LRRC37A2: variants seen among roughly 807,000 people sequenced by gnomAD.
The protein encoded by LRRC37A2 is leucine rich repeat containing 37 member A2, also known as leucine-rich repeat-containing protein 37A2.
In LRRC37A2, 9 loss-of-function variants were observed where a neutral mutation model predicts 68.8. That is an observed-to-expected ratio of 0.13 (90% CI 0.08 to 0.23). The LOEUF is 0.23. Ranked by LOEUF, LRRC37A2 falls within the 10% of genes least tolerant of loss-of-function variation. The pLI is 1.00. For synonymous variants in LRRC37A2, 63 were observed against 367.6 expected (o/e 0.17, Z 9.48); for missense variants, 168 against 950.4 (o/e 0.18, Z 10.82).
chr17:46,458,067 A>G, the LRRC37A2 span, among the ~76,000 whole-genome samples: 1 of 77,910 alleles, frequency 1.3e-5, no homozygotes, highest in East Asian at 2.4e-4. Context: ...GGTTCTAGCA[A>G]TACAGTAGAC....
chr17:46,846,810 G>A, the LRRC37A2 span, among the ~76,000 whole-genome samples: 1 of 152,236 alleles, frequency 6.6e-6, no homozygotes. Flanking sequence ...AGGAACAGAA[G>A]TGAGAAGGCC....
At chr17:46,924,324 G>A in the LRRC37A2 span, 3 of 153,010 alleles carry the variant, frequency 2.0e-5, no homozygotes, top group South Asian at 6.2e-4. Context: ...ATAATATTCC[G>A]TTTTATGTGT....
the LRRC37A2 span, among the ~76,000 whole-genome samples, chr17:46,905,810 G>T: frequency 8.9e-6 from 1 of 112,152 alleles, no homozygotes; most frequent in South Asian, 2.9e-4. Context: ...GTGTGTGTGT[G>T]TGTGCGTTTG....
At chr17:46,550,712 G>A (rs576109821) in intron 11 of LRRC37A2, among the ~76,000 whole-genome samples, 193 bp downstream of exon 10, 10 of 138,074 alleles carry the variant, frequency 7.2e-5, no homozygotes, top group African/African-American at 1.8e-4. Context: ...AAGGATCCTC[G>A]CTTTCAGATC....
At chr17:46,941,742 T>A in the LRRC37A2 span, 1 of 126,698 alleles carries the variant, frequency 7.9e-6, no homozygotes, top group African/African-American at 3.7e-5. Context: ...TCTGGCTAAT[T>A]TTTTTTTTTT....
At chr17:46,865,513 G>A in the LRRC37A2 span, among the ~76,000 whole-genome samples, 2 of 152,166 alleles carry the variant, frequency 1.3e-5, no homozygotes, top group Admixed American at 1.3e-4. Flanking sequence ...AGCTGGGTAG[G>A]GAAGGAAGGC....
At chr17:47,003,542 A>T in the LRRC37A2 span, among the ~76,000 whole-genome samples, 2 of 152,222 alleles carry the variant, frequency 1.3e-5, no homozygotes, top group African/African-American at 4.8e-5. Flanking sequence ...ACTGGTGTTG[A>T]GCAGAGAAGA....
chr17:46,885,111 C>T, the LRRC37A2 span: 3 of 428,614 alleles, frequency 7.0e-6, no homozygotes, highest in Non-Finnish European at 9.4e-6. Context: ...GTCTCAGCTG[C>T]CTGAGTAACT....
At chr17:46,501,342 A>G in the LRRC37A2 span, among the ~76,000 whole-genome samples, 1 of 150,942 alleles carries the variant, frequency 6.6e-6, no homozygotes, top group Non-Finnish European at 1.5e-5. Context: ...TGCCTGGCTA[A>G]TTTTTGTATT....
chr17:46,908,541 G>T, the LRRC37A2 span, among the ~76,000 whole-genome samples: 1 of 152,092 alleles, frequency 6.6e-6, no homozygotes, highest in African/African-American at 2.4e-5. Flanking sequence ...TGTTGAGTGG[G>T]GATTTTGCCC....
the LRRC37A2 span, among the ~76,000 whole-genome samples, chr17:46,980,692 G>A: frequency 9.4e-6 from 1 of 106,950 alleles, no homozygotes; most frequent in African/African-American, 2.7e-5. Context: ...AATTAGCCGG[G>A]CGTGGTGGCG....
the LRRC37A2 span, among the ~76,000 whole-genome samples, chr17:46,970,247 G>T: frequency 1.3e-5 from 2 of 152,110 alleles, no homozygotes; most frequent in African/African-American, 4.8e-5. Flanking sequence ...CCTGCAAAAA[G>T]ATCTCAAGAA....
chr17:46,906,510 C>A, the LRRC37A2 span, among the ~76,000 whole-genome samples: 7 of 152,208 alleles, frequency 4.6e-5, no homozygotes, highest in African/African-American at 1.7e-4. Context: ...GCCTTCAACA[C>A]CTGGAGTCAA....
chr17:46,899,426 C>A, the LRRC37A2 span, among the ~76,000 whole-genome samples: 4 of 151,356 alleles, frequency 2.6e-5, no homozygotes, highest in African/African-American at 7.3e-5. Flanking sequence ...ACAAACAAAC[C>A]AACAAACAAA....
chr17:46,897,019 C>T, the LRRC37A2 span, among the ~76,000 whole-genome samples: 4 of 152,298 alleles, frequency 2.6e-5, no homozygotes, highest in South Asian at 8.3e-4. Flanking sequence ...TACAGAAGAC[C>T]CACAAGCTAA....
chr17:46,526,506 T>G (rs3894940), intron 6 of LRRC37A2, among the ~76,000 whole-genome samples: 1 of 105,450 alleles, frequency 9.5e-6, no homozygotes, highest in African/African-American at 3.6e-5. Flanking sequence ...AATTTTTGTA[T>G]TCATAATTTT....
chr17:46,862,995 A>G, the LRRC37A2 span, among the ~76,000 whole-genome samples: 1 of 152,210 alleles, frequency 6.6e-6, no homozygotes, highest in Non-Finnish European at 1.5e-5. Context: ...TTCAGAGGGA[A>G]CGGGCCTGGC....
At chr17:46,728,667 TATAA>T in the LRRC37A2 span, among the ~76,000 whole-genome samples, 26 of 151,934 alleles carry the variant, frequency 1.7e-4, no homozygotes, top group Non-Finnish European at 1.8e-4. Context: ...TTTTTCTTAT[TATAA>T]ATAGTTTTAT....
At chr17:46,684,410 C>T in the LRRC37A2 span, among the ~76,000 whole-genome samples, 2 of 151,430 alleles carry the variant, frequency 1.3e-5, no homozygotes, top group African/African-American at 4.9e-5. Flanking sequence ...CTATTGTGAA[C>T]AGTGCCTCAA....
Sources: gnomAD v4.1 joint callset for allele counts (sites outside exome capture counted in the v4.1 genomes callset) on GRCh38, gnomAD v4.1.1 for gene constraint, MANE v1.5 for transcripts, NCBI Gene and HGNC (gene_info 2026-07-23, HGNC 2026-07-21) for gene names.